The following ADGRL3 variants were observed in gnomAD, a reference collection of about 807,000 sequenced individuals.
The protein encoded by ADGRL3 is adhesion G protein-coupled receptor L3.
In ADGRL3, 62 loss-of-function variants were observed where a neutral mutation model predicts 153.5. The observed-to-expected ratio is 0.40, with a 90% confidence interval of 0.33 to 0.50. The LOEUF (loss-of-function observed/expected upper bound fraction) is 0.50, where lower values mean the gene tolerates loss of function less well. Ranked by LOEUF, ADGRL3 falls within the 20% of genes least tolerant of loss-of-function variation. The pLI, the probability that ADGRL3 is intolerant of heterozygous loss-of-function variation, is 0.47. For missense variants in ADGRL3, 1,641 were observed against 1,859.4 expected (o/e 0.88, Z 2.16); for synonymous variants, 710 against 672.5 (o/e 1.06, Z -0.86).
At chr4:61,659,278 T>A (rs2094525306) in intron 5 of ADGRL3, among the ~76,000 whole-genome samples, 2 of 152,276 alleles carry the variant, frequency 1.3e-5, no homozygotes, top group Non-Finnish European at 2.9e-5. Flanking sequence ...AGGTTAGCTC[T>A]TAAACATATC....
intron 9 of ADGRL3, among the ~76,000 whole-genome samples, chr4:61,860,106 TC>T (rs35376280): frequency 6.6e-6 from 1 of 152,170 alleles, no homozygotes. Context: ...GCTTCAGAGT[TC>T]CTTGTAGACA....
At chr4:62,008,313 A>G (rs910445193) in intron 21 of ADGRL3, among the ~76,000 whole-genome samples, 1 of 152,172 alleles carries the variant, frequency 6.6e-6, no homozygotes, top group African/African-American at 2.4e-5. Context: ...ATACACAATT[A>G]GTTGATATTG....
intron 5 of ADGRL3, 78 bp downstream of exon 5, chr4:61,587,518 A>G: frequency 9.2e-7 from 1 of 1,085,590 alleles, no homozygotes. Context: ...GTTAAGCATA[A>G]GAACATAAAC....
rs113419498 is a variant in ADGRL3, at chr4:61,200,648, A to C, written c.-1357A>C. 6.7e-6 allele frequency among the ~76,000 whole-genome samples: 1 copy of C among 149,120 alleles called. No individual in the cohort carries two copies. The highest frequency in any genetic ancestry group is 1.5e-5 in the Non-Finnish European group (1 of 67,240). ...CTCTTTTTGCCTTGGTCCTCTTCCT[A>C]CGGGTGTGCGCGCGCGCGGGTTGCA... is the stretch of plus-strand genomic sequence containing the variant. On this transcript the variant is annotated 5_prime_UTR_variant, in exon 1 of 27. Coordinates refer to ENST00000683033, the MANE Select transcript of ADGRL3 (RefSeq NM_001387552.1).
At chr4:61,233,592 G>T (rs1311301093) in intron 1 of ADGRL3, among the ~76,000 whole-genome samples, 1 of 152,036 alleles carries the variant, frequency 6.6e-6, no homozygotes, top group East Asian at 1.9e-4. Context: ...TATATACAGG[G>T]TAGTTAAATA....
rs190940968 is a variant in ADGRL3, at chr4:61,310,653, G to A, written c.-239-72471G>A. ...CCTTTGAGCTTTTATTTGGAATAAA[G>A]ATACCATGTGAAAATGATGAGCACC... is the stretch of plus-strand genomic sequence containing the variant. On this transcript the variant is annotated intron_variant, in intron 1 of 26. Transcript: ENST00000683033. 2.5e-3 allele frequency among the ~76,000 whole-genome samples: 385 copies of A among 151,952 alleles called. 4 individuals are homozygous for A. The highest frequency in any genetic ancestry group is 5.0e-3 in the South Asian group (24 of 4,812).
Position 61,983,613 on chromosome 4 carries a change from T to C in ADGRL3, c.3236+10T>C, listed in dbSNP as rs374346503. On this transcript the variant is annotated intron_variant, in intron 19 of 26. Transcript: ENST00000683033. ...ATGGAACAGATAAAGTGTAAGTTTA[T>C]TGTTTTCTTTCTTTTTAAATCTAGG... 1.2e-5 allele frequency: 20 copies of C among 1,607,452 alleles called. No individual in the cohort carries two copies. The highest frequency in any genetic ancestry group is 1.7e-5 in the Non-Finnish European group (20 of 1,175,690).
At chr4:61,651,529 T>C (rs752065938) in intron 5 of ADGRL3, among the ~76,000 whole-genome samples, 16 of 152,124 alleles carry the variant, frequency 1.1e-4, no homozygotes, top group Non-Finnish European at 2.1e-4. Flanking sequence ...AGTATTTGTT[T>C]GGGGGAGGGC....
chr4:61,239,988 G>T (rs911130123), intron 1 of ADGRL3, among the ~76,000 whole-genome samples: 2 of 152,044 alleles, frequency 1.3e-5, no homozygotes, highest in Admixed American at 1.3e-4. Flanking sequence ...TACCTCATTG[G>T]GATTGTCTTA....
In ADGRL3 at chr4:61,892,940, T is replaced by C; in HGVS notation, c.1765T>C (p.Cys589Arg). Reference protein sequence around the residue: ...TRQGQIAKQPCPAGTIGVSTY... With the variant: ...TRQGQIAKQPRPAGTIGVSTY... ...TCAAGGACAGATAGCAAAGCAGCCA[T>C]GCCCTGCAGGAACTATAGGTAAGTC... The change falls in exon 10 of 27, where the codon TGC (cysteine) becomes CGC (arginine). Residue 589 changes from cysteine (C) to arginine (R), a missense_variant. Transcript: ENST00000683033. 6.5e-7 allele frequency: 1 copy of C among 1,532,390 alleles called. No homozygotes were observed. The highest frequency in any genetic ancestry group is 8.7e-7 in the Non-Finnish European group (1 of 1,144,374). The allele number at this position is 1,532,390 out of a possible 1,614,324, so 94.9% of individuals were successfully genotyped here.
intron 5 of ADGRL3, among the ~76,000 whole-genome samples, chr4:61,620,204 C>A (rs887819684): frequency 2.0e-5 from 3 of 151,898 alleles, no homozygotes; most frequent in Non-Finnish European, 4.4e-5. Context: ...ATTCTGAAAC[C>A]TTTACTAAAA....
At chr4:61,440,211 G>C (rs1259739948) in intron 2 of ADGRL3, among the ~76,000 whole-genome samples, 2 of 151,938 alleles carry the variant, frequency 1.3e-5, no homozygotes. Flanking sequence ...ACCACACCTG[G>C]CTAATTTTTG....
intron 8 of ADGRL3, among the ~76,000 whole-genome samples, chr4:61,743,452 T>A (rs1469928518): frequency 2.6e-5 from 4 of 152,194 alleles, no homozygotes; most frequent in Non-Finnish European, 4.4e-5. Context: ...GCTAGTTATT[T>A]TTTTAAGTGA....
chr4:61,250,135 T>G (rs1758676557), intron 1 of ADGRL3, among the ~76,000 whole-genome samples: 1 of 152,158 alleles, frequency 6.6e-6, no homozygotes, highest in South Asian at 2.1e-4. Context: ...TAACTAAGAA[T>G]TGAGGATCAG....
intron 5 of ADGRL3, among the ~76,000 whole-genome samples, chr4:61,600,815 A>G (rs1336006578): frequency 1.3e-5 from 2 of 152,182 alleles, no homozygotes; most frequent in African/African-American, 4.8e-5. Context: ...GCCTTTAGCA[A>G]TACATTAGCT....
At chr4:61,485,560 C>G (rs2152754227) in intron 2 of ADGRL3, among the ~76,000 whole-genome samples, 1 of 152,224 alleles carries the variant, frequency 6.6e-6, no homozygotes, top group East Asian at 1.9e-4. Context: ...ATAACCAAAC[C>G]TCAGTGAAAC....
chr4:61,403,144 C>T (rs2096951809), intron 2 of ADGRL3, among the ~76,000 whole-genome samples: 1 of 152,030 alleles, frequency 6.6e-6, no homozygotes, highest in Non-Finnish European at 1.5e-5. Context: ...CCTTATAACA[C>T]AATAAGATAT....
rs1423838239 is a variant in ADGRL3 at position 62,077,069 on chromosome 4, A to G, written c.*6161A>G. On this transcript the variant is annotated 3_prime_UTR_variant, in exon 27 of 27. Coordinates refer to ENST00000683033, the MANE Select transcript of ADGRL3 (RefSeq NM_001387552.1). Reference sequence around the variant, plus strand: ...CCTTTAATTATTATAGTCAATTCATAAAATTCTACATACAGTTGTACATGG... The same window carrying G: ...CCTTTAATTATTATAGTCAATTCATGAAATTCTACATACAGTTGTACATGG... The G allele has an allele frequency of 6.6e-6, 1 of 151,980 alleles. No homozygotes were observed. Among genetic ancestry groups the G allele is most frequent in the Non-Finnish European group, 1.5e-5 (1 of 67,898 alleles). 9.4% of individuals were successfully genotyped at this position (151,980 alleles called of 1,614,324 possible). A position where few individuals can be genotyped will look rare whatever the true frequency, so the allele number is the denominator to read the frequency against.
intron 1 of ADGRL3, among the ~76,000 whole-genome samples, chr4:61,353,487 A>T (rs2096093851): frequency 6.6e-6 from 1 of 152,144 alleles, no homozygotes; most frequent in African/African-American, 2.4e-5. Flanking sequence ...ACATATATGT[A>T]AAAAGGCTAT....
Sources: allele counts gnomAD v4.1 joint callset (sites outside exome capture counted in the v4.1 genomes callset), GRCh38; gene constraint gnomAD v4.1.1; transcripts MANE v1.5; gene names NCBI Gene and HGNC (gene_info 2026-07-23, HGNC 2026-07-21).